Variants in PPHLN1 observed in about 807,000 individuals in gnomAD.
PPHLN1 encodes periphilin 1.
A neutral mutation model predicts 51.3 loss-of-function variants in PPHLN1; 29 were observed. The ratio of observed to expected loss-of-function variants is 0.57; its 90% CI spans 0.42 to 0.77. The LOEUF (loss-of-function observed/expected upper bound fraction) is 0.77. PPHLN1 is among the 30% of genes least tolerant of loss of function. The pLI, the probability that PPHLN1 is intolerant of heterozygous loss-of-function variation, is 0.00. For synonymous variants in PPHLN1, 147 were observed against 147.8 expected (o/e 0.99, Z 0.04); for missense variants, 436 against 438.4 (o/e 0.99, Z 0.05).
At chr12:42,398,139 A>G (rs936896795) in intron 8 of PPHLN1, among the ~76,000 whole-genome samples, 1 of 152,132 alleles carries the variant, frequency 6.6e-6, no homozygotes. Context: ...CAGTCTATGC[A>G]TATATGTATT....
downstream of PPHLN1, chr12:42,445,938 G>A (rs2083290192): frequency 2.1e-6 from 3 of 1,456,778 alleles, no homozygotes; most frequent in South Asian, 1.5e-5. Context: ...TGCTAACATG[G>A]GGAAGAGGAT....
chr12:42,395,886 C>T lies in PPHLN1; in HGVS notation c.768+2197C>T, dbSNP rs141716425. On this transcript the variant is annotated intron_variant, in intron 8 of 9. Transcript: ENST00000358314. ...TTGCTGCCCTCATTATAGTTCTAAG[C>T]AATTTGTTTGGGAAAACGTGTAGTT... Among the ~76,000 whole-genome samples, 22 of 152,252 alleles carry T rather than the reference C, an allele frequency of 1.4e-4. 1 individual carries two copies. The highest frequency in any genetic ancestry group is 1.0e-3 in the South Asian group (5 of 4,820).
chr12:42,343,311 G>T (rs1354679605), intron 2 of PPHLN1, among the ~76,000 whole-genome samples: 1 of 151,954 alleles, frequency 6.6e-6, no homozygotes, highest in Admixed American at 6.6e-5. Context: ...ACAGTCATCA[G>T]TGTTCATGTA....
intron 4 of PPHLN1, among the ~76,000 whole-genome samples, chr12:42,365,248 G>A (rs2075142520): frequency 1.3e-5 from 2 of 152,312 alleles, no homozygotes; most frequent in South Asian, 4.1e-4. Flanking sequence ...TTACCTGGCT[G>A]CTTTCTCAAA....
chr12:42,442,694 G>A, downstream of PPHLN1: 1 of 1,614,084 alleles, frequency 6.2e-7, no homozygotes, highest in South Asian at 1.1e-5. Flanking sequence ...CACTGAAATG[G>A]ATCACGACGG....
chr12:42,434,629 G>T (rs756799657), intron 9 of PPHLN1, among the ~76,000 whole-genome samples: 1 of 152,164 alleles, frequency 6.6e-6, no homozygotes, highest in African/African-American at 2.4e-5. Context: ...CAGAAGTGAA[G>T]TGTTGAGTAT....
intron 1 of PPHLN1, chr12:42,329,705 G>A (rs1018527704): frequency 6.6e-6 from 1 of 152,124 alleles, no homozygotes; most frequent in African/African-American, 2.4e-5. Context: ...TAGCACGATT[G>A]GGGGATCTGT....
intron 9 of PPHLN1, among the ~76,000 whole-genome samples, chr12:42,436,699 C>T (rs1481092104): frequency 6.6e-6 from 1 of 152,050 alleles, no homozygotes; most frequent in Non-Finnish European, 1.5e-5. Flanking sequence ...TCTGTTTTAC[C>T]AATCCGACAA....
chr12:42,446,168 TG>T, downstream of PPHLN1: 1 of 1,607,488 alleles, frequency 6.2e-7, no homozygotes, highest in Non-Finnish European at 8.5e-7. Flanking sequence ...AGACATTACC[TG>T]GGGGATGCTG....
At chr12:42,382,188 C>G (rs1279955284) in intron 5 of PPHLN1, among the ~76,000 whole-genome samples, 1 of 152,156 alleles carries the variant, frequency 6.6e-6, no homozygotes, top group Non-Finnish European at 1.5e-5. Context: ...AAGGAGTCAC[C>G]AAATACTTTG....
At chr12:42,388,728 C>T (rs757406403) in intron 7 of PPHLN1, among the ~76,000 whole-genome samples, 2 of 152,186 alleles carry the variant, frequency 1.3e-5, no homozygotes, top group Non-Finnish European at 2.9e-5. Context: ...GGGAGAATTG[C>T]TTGAGGCCAG....
At chr12:42,380,298 ATT>A (rs1160121544) in intron 5 of PPHLN1, among the ~76,000 whole-genome samples, 1 of 151,912 alleles carries the variant, frequency 6.6e-6, no homozygotes, top group Non-Finnish European at 1.5e-5. Context: ...TTTATTGTTT[ATT>A]TTGTTTGTTT....
At chr12:42,329,581 C>T (rs1342606639) in intron 1 of PPHLN1, among the ~76,000 whole-genome samples, 1 of 151,986 alleles carries the variant, frequency 6.6e-6, no homozygotes. Flanking sequence ...ACTTTTAATA[C>T]AGATTAAACC....
intron 9 of PPHLN1, among the ~76,000 whole-genome samples, chr12:42,418,735 C>T (rs2080705803): frequency 6.6e-6 from 1 of 152,242 alleles, no homozygotes; most frequent in South Asian, 2.1e-4. Flanking sequence ...ATTGAACCTA[C>T]TTTATTTCCT....
chr12:42,415,114 G>A (rs768067655), intron 9 of PPHLN1, among the ~76,000 whole-genome samples: 61 of 152,162 alleles, frequency 4.0e-4, no homozygotes, highest in Middle Eastern at 3.2e-3. Context: ...ACTCAAGGGC[G>A]ACTGCATGTC....
chr12:42,414,883 T>G (rs2080232184), intron 9 of PPHLN1, among the ~76,000 whole-genome samples: 1 of 152,238 alleles, frequency 6.6e-6, no homozygotes, highest in African/African-American at 2.4e-5. Flanking sequence ...TACCTAGAAT[T>G]AGATTGTTTA....
chr12:42,432,636 C>T (rs895555631), intron 9 of PPHLN1, among the ~76,000 whole-genome samples: 2 of 152,230 alleles, frequency 1.3e-5, no homozygotes, highest in Non-Finnish European at 2.9e-5. Context: ...CCAGCACTCT[C>T]TATAGATTCT....
At chr12:42,380,319 T>C (rs1243836553) in intron 5 of PPHLN1, among the ~76,000 whole-genome samples, 1 of 152,126 alleles carries the variant, frequency 6.6e-6, no homozygotes, top group Non-Finnish European at 1.5e-5. Flanking sequence ...TTGGCCTTTG[T>C]TTTTTCTGTA....
At chr12:42,341,856 C>T (rs1336320095) in intron 2 of PPHLN1, among the ~76,000 whole-genome samples, 2 of 152,258 alleles carry the variant, frequency 1.3e-5, no homozygotes, top group South Asian at 2.1e-4. Context: ...CTCCTGACCT[C>T]GTGATCCGCC....
Sources: allele counts gnomAD v4.1 joint callset (sites outside exome capture counted in the v4.1 genomes callset), GRCh38; gene constraint gnomAD v4.1.1; transcripts MANE v1.5; gene names NCBI Gene and HGNC (gene_info 2026-07-23, HGNC 2026-07-21).